Variants in LCORL observed in about 807,000 individuals in gnomAD.
LCORL encodes the protein ligand-dependent nuclear receptor corepressor-like protein.
A neutral mutation model predicts 141.8 loss-of-function variants in LCORL; 41 were observed. That is an observed-to-expected ratio of 0.29 (90% CI 0.23 to 0.38). The LOEUF (loss-of-function observed/expected upper bound fraction) is 0.38. Among genes scored for constraint, LCORL ranks in the 10% least tolerant of loss-of-function variants. The pLI is 1.00. For synonymous variants in LCORL, 618 were observed against 694.1 expected, an observed-to-expected ratio of 0.89 and a Z score of 1.72; for missense variants, 1,759 against 2,035.0, an observed-to-expected ratio of 0.86 and a Z score of 2.61.
At chr4:17,997,425 A>C (rs1721084951) in intron 1 of LCORL, among the ~76,000 whole-genome samples, 1 of 152,204 alleles carries the variant, frequency 6.6e-6, no homozygotes, top group Non-Finnish European at 1.5e-5. Flanking sequence ...GATCTGTCAT[A>C]GTGATTCACC....
At chr4:17,989,583 C>T (rs1040100591) in intron 1 of LCORL, among the ~76,000 whole-genome samples, 14 of 152,020 alleles carry the variant, frequency 9.2e-5, no homozygotes, top group South Asian at 4.2e-4. Flanking sequence ...GAACACAAGC[C>T]GCATCAGTAA....
At chr4:17,982,551 T>C (rs574621607) in intron 1 of LCORL, among the ~76,000 whole-genome samples, 49 of 152,336 alleles carry the variant, frequency 3.2e-4, no homozygotes, top group African/African-American at 1.2e-3. Context: ...TTTCATATAC[T>C]TGTTGGCTGC....
chr4:17,936,567 G>A (rs1024651126), intron 4 of LCORL, among the ~76,000 whole-genome samples: 2 of 152,116 alleles, frequency 1.3e-5, no homozygotes, highest in African/African-American at 4.8e-5. Context: ...AGTTCACATA[G>A]TTTGAAGAAA....
At chr4:17,974,070 G>A (rs1716482282) in intron 1 of LCORL, among the ~76,000 whole-genome samples, 1 of 152,002 alleles carries the variant, frequency 6.6e-6, no homozygotes, top group Non-Finnish European at 1.5e-5. Context: ...CTATCATACT[G>A]GGTAGAGACT....
At chr4:17,945,189 A>G (rs1738656885) in intron 4 of LCORL, among the ~76,000 whole-genome samples, 1 of 152,120 alleles carries the variant, frequency 6.6e-6, no homozygotes, top group African/African-American at 2.4e-5. Context: ...ACTACATCAC[A>G]TTATTAAATG....
intron 6 of LCORL, chr4:17,880,598 GTTTTTTTCTTTTC>G: frequency 1.0e-6 from 1 of 973,190 alleles, no homozygotes; most frequent in African/African-American, 1.8e-5. Context: ...AGTGTAGTCA[GTTTTTTTCTTTTC>G]TTTTCTTTTT....
At position 17,960,297 on chromosome 4, in the gene LCORL, AGATG is replaced by A. The variant is rs1445688469; in HGVS notation, c.430+1602_430+1605del. ...TTGGTAGGAGACCTCTTGGAGACCC[AGATG>A]CTTGAATCAGCTGAAATAGTACCAA... On this transcript the variant is annotated intron_variant, in intron 4 of 7. Coordinates refer to ENST00000635767, the Ensembl canonical transcript of LCORL. 4 of 154,488 alleles carry A rather than the reference AGATG, an allele frequency of 2.6e-5. No homozygotes were observed. The East Asian group carries it at 7.7e-4, about 30-fold the overall frequency. 9.6% of individuals were successfully genotyped at this position (154,488 alleles called of 1,614,324 possible). A position where few individuals can be genotyped will look rare whatever the true frequency, so the allele number is the denominator to read the frequency against.
intron 1 of LCORL, among the ~76,000 whole-genome samples, chr4:17,990,256 G>A (rs950609183): frequency 1.3e-5 from 2 of 151,696 alleles, no homozygotes; most frequent in Non-Finnish European, 2.9e-5. Context: ...CCACCACCAC[G>A]CCCGGCTAAT....
At chr4:17,925,855 A>T (rs1007447504) in intron 4 of LCORL, among the ~76,000 whole-genome samples, 3 of 133,752 alleles carry the variant, frequency 2.2e-5, no homozygotes, top group Non-Finnish European at 4.6e-5. Flanking sequence ...TGGGTGACAG[A>T]GTGACAGAGT....
intron 6 of LCORL, among the ~76,000 whole-genome samples, chr4:17,879,318 T>C (rs1253864243): frequency 1.3e-5 from 2 of 151,228 alleles, no homozygotes; most frequent in Middle Eastern, 3.4e-3. Flanking sequence ...ATAAAAATTA[T>C]GTTATTTGAG....
intron 7 of LCORL, among the ~76,000 whole-genome samples, chr4:17,851,229 G>C (rs956487217): frequency 2.0e-5 from 3 of 151,778 alleles, no homozygotes; most frequent in Non-Finnish European, 4.4e-5. Context: ...GTATACATAT[G>C]TAAGAAACCT....
At chr4:17,874,917 T>C (rs2109179578) in exon 7 of LCORL, 1 of 1,233,858 alleles carries the variant, frequency 8.1e-7, no homozygotes, top group South Asian at 4.1e-5. Context: ...ATATGATTTA[T>C]GGAGCAGAGC....
chr4:17,957,857 T>C (rs1204342513), intron 4 of LCORL, among the ~76,000 whole-genome samples: 5 of 151,908 alleles, frequency 3.3e-5, no homozygotes, highest in African/African-American at 4.8e-5. Flanking sequence ...ATGACCACGA[T>C]GACATCACAA....
chr4:17,877,248 T>C (rs768282817), exon 7 of LCORL: 6 of 1,230,310 alleles, frequency 4.9e-6, no homozygotes, highest in Non-Finnish European at 6.1e-6. Context: ...AAAACTATAA[T>C]CACTGGCTTT....
In LCORL at chr4:18,021,511, T is replaced by G; in HGVS notation, c.154+87A>C. 1 of 1,181,880 alleles carries G rather than the reference T, an allele frequency of 8.5e-7. No individual in the cohort carries two copies. The highest frequency in any genetic ancestry group is 1.1e-6 in the Non-Finnish European group (1 of 870,492). 73.2% of individuals were successfully genotyped at this position (1,181,880 alleles called of 1,614,324 possible). On this transcript the variant is annotated intron_variant, in intron 1 of 7. Transcript: ENST00000635767. This position sits in a 1 kb window ranked among gnomAD's most constrained non-coding sequence, Gnocchi z 5.5. ...CACCGAACTAACCCGAACGGGAGAT[T>G]CAACTAAACCCCTCAGCCACAAACT...
At chr4:18,010,973 A>G (rs74781555) in intron 1 of LCORL, among the ~76,000 whole-genome samples, 5,157 of 152,238 alleles carry the variant, frequency 0.034, 128 homozygotes, top group African/African-American at 0.067. Context: ...AAAGTGAATT[A>G]TCCGATTGGT....
intron 1 of LCORL, among the ~76,000 whole-genome samples, chr4:18,000,132 T>C (rs1259854595): frequency 2.6e-5 from 4 of 151,388 alleles, no homozygotes; most frequent in African/African-American, 9.7e-5. Flanking sequence ...GGTTCTTTTT[T>C]TTTTTTTTTT....
At chr4:17,998,710 T>C (rs968160470) in intron 1 of LCORL, among the ~76,000 whole-genome samples, 6 of 151,884 alleles carry the variant, frequency 4.0e-5, no homozygotes, top group African/African-American at 1.5e-4. Context: ...TTCATGCCTG[T>C]AATCCCAGAA....
chr4:18,013,816 A>C (rs899894583), intron 1 of LCORL, among the ~76,000 whole-genome samples: 30 of 119,186 alleles, frequency 2.5e-4, no homozygotes, highest in African/African-American at 7.5e-4. Context: ...GTTGCAGTTG[A>C]ATTTTTTTTT....
Sources: allele counts gnomAD v4.1 joint callset (sites outside exome capture counted in the v4.1 genomes callset), GRCh38; gene constraint gnomAD v4.1.1; non-coding constraint Gnocchi (gnomAD v3.1); transcripts MANE v1.5; gene names NCBI Gene and HGNC (gene_info 2026-07-23, HGNC 2026-07-21).